ARHGAP35: variants seen among roughly 807,000 people sequenced by gnomAD.
ARHGAP35 encodes the protein rho GTPase-activating protein 35.
ARHGAP35 carries 15 observed loss-of-function variants against 111.1 expected under a neutral mutation model. That is an observed-to-expected ratio of 0.13 (90% CI 0.09 to 0.21). ARHGAP35 has a LOEUF of 0.21. Ranked by LOEUF, ARHGAP35 falls within the 10% of genes least tolerant of loss-of-function variation. The pLI, the probability that ARHGAP35 is intolerant of heterozygous loss-of-function variation, is 1.00. For synonymous variants in ARHGAP35, 643 were observed against 710.3 expected (o/e 0.91, Z 1.51); for missense variants, 1,262 against 1,873.0 (o/e 0.67, Z 6.02).
chr19:46,924,318 G>A (rs559546705), intron 2 of ARHGAP35, among the ~76,000 whole-genome samples: 12 of 152,308 alleles, frequency 7.9e-5, no homozygotes, highest in African/African-American at 2.9e-4. Flanking sequence ...TGGAGGAACA[G>A]GGTGCCATCA....
chr19:46,920,985 T>C lies in ARHGAP35; in HGVS notation c.2310T>C (p.Ser770=). The C allele has an allele frequency of 6.2e-7, 1 of 1,614,022 alleles. No homozygotes were observed. The stretch of plus-strand genomic sequence containing the variant: ...AGCGTAACTTAAACCTGGTCAGTTC[T>C]ACTGCTAGCATCAAAGATTTGGCTG... ...DSKRNLNLVS[S]TASIKDLADV... The change falls in exon 2 of 7, where the codon TCT becomes TCC. Residue 770 remains serine, a synonymous_variant. Coordinates refer to ENST00000672722, the MANE Select transcript of ARHGAP35 (RefSeq NM_004491.5). The surrounding 1 kb of genome is among the most constrained non-coding windows in gnomAD (Gnocchi z 7.0).
At chr19:46,938,662 A>ATT (rs113282154) in intron 3 of ARHGAP35, among the ~76,000 whole-genome samples, 4 of 115,050 alleles carry the variant, frequency 3.5e-5, no homozygotes, top group Non-Finnish European at 3.6e-5. Flanking sequence ...CGAAGATAGC[A>ATT]TTTTTTTTTT....
At chr19:46,951,454 T>G (rs1002820450) in intron 3 of ARHGAP35, among the ~76,000 whole-genome samples, 1 of 152,000 alleles carries the variant, frequency 6.6e-6, no homozygotes, top group Non-Finnish European at 1.5e-5. Context: ...GATGGCCTTT[T>G]TTTTTCTTGC....
At chr19:46,896,077 C>T (rs1049447695) in intron 1 of ARHGAP35, among the ~76,000 whole-genome samples, 2 of 151,568 alleles carry the variant, frequency 1.3e-5, no homozygotes, top group African/African-American at 4.9e-5. Flanking sequence ...ACTCCATCCT[C>T]GGTGACAAGA....
chr19:46,914,138 T>G (rs1187220818), intron 1 of ARHGAP35, among the ~76,000 whole-genome samples: 1 of 152,230 alleles, frequency 6.6e-6, no homozygotes, highest in Non-Finnish European at 1.5e-5. Flanking sequence ...GAGGAACTAG[T>G]AAAACTGCAT....
At chr19:46,984,953 T>C (rs969981013) in intron 3 of ARHGAP35, among the ~76,000 whole-genome samples, 57 of 152,356 alleles carry the variant, frequency 3.7e-4, no homozygotes, top group Admixed American at 3.1e-3. Flanking sequence ...CCAGGTCTTC[T>C]GCAGCTCGGA....
At chr19:46,962,179 A>G (rs1235061762) in intron 3 of ARHGAP35, among the ~76,000 whole-genome samples, 2 of 152,186 alleles carry the variant, frequency 1.3e-5, no homozygotes, top group African/African-American at 4.8e-5. Context: ...CTGAATGTGT[A>G]TTATCTTTCA....
intron 3 of ARHGAP35, among the ~76,000 whole-genome samples, chr19:46,964,665 T>C (rs1391895775): frequency 6.6e-6 from 1 of 152,172 alleles, no homozygotes; most frequent in East Asian, 1.9e-4. Context: ...ACCCTCTGAA[T>C]GTGGGATAAT....
In ARHGAP35 at chr19:46,958,466, C is replaced by G. The variant is rs534534894; in HGVS notation, c.3826+21058C>G. On this transcript the variant is annotated intron_variant, in intron 3 of 6. Transcript: ENST00000672722. ...TTCTCTTTGAAGATTCCTTCCTAGTCTAACAAATTTGTAGAAAACTACTAT... is the reference window on the plus strand; with the variant it reads ...TTCTCTTTGAAGATTCCTTCCTAGTGTAACAAATTTGTAGAAAACTACTAT... Among the ~76,000 whole-genome samples the G allele has an allele frequency of 1.7e-3, 262 of 151,908 alleles. 2 individuals carry two copies. Among genetic ancestry groups the G allele is most frequent in the African/African-American group, 6.1e-3 (251 of 41,424 alleles).
Position 47,000,639 on chromosome 19 carries a change from C to T in ARHGAP35, c.4451C>T (p.Pro1484Leu), listed in dbSNP as rs749428182. 1 of 1,606,616 alleles carries T rather than the reference C, an allele frequency of 6.2e-7. No homozygotes were observed. ...PQSPPPTPQSPMQPLLPSQLQ... is the reference protein window; with the variant it reads ...PQSPPPTPQSLMQPLLPSQLQ... ...TCGCCTCCACCCACCCCCCAGTCCC[C>T]AATGCAGCCACTGCTTCCCTCCCAG... Residue 1484 changes from proline to leucine, a missense_variant, in exon 7 of 7, where the codon CCA becomes CTA. Transcript: ENST00000672722. This position sits in a 1 kb window ranked among gnomAD's most constrained non-coding sequence, Gnocchi z 6.9.
chr19:46,910,793 G>A (rs1387150953), intron 1 of ARHGAP35, among the ~76,000 whole-genome samples: 11 of 151,936 alleles, frequency 7.2e-5, no homozygotes, highest in Admixed American at 7.2e-4. Flanking sequence ...GTTTTACCAT[G>A]TTACCCAGGC....
At chr19:46,950,527 A>G (rs2056405766) in intron 3 of ARHGAP35, among the ~76,000 whole-genome samples, 1 of 152,226 alleles carries the variant, frequency 6.6e-6, no homozygotes, top group Non-Finnish European at 1.5e-5. Flanking sequence ...TCAGTCCCTG[A>G]AGGGGTAATA....
intron 3 of ARHGAP35, among the ~76,000 whole-genome samples, chr19:46,951,977 G>T (rs2056415568): frequency 6.6e-6 from 1 of 152,212 alleles, no homozygotes; most frequent in East Asian, 1.9e-4. Context: ...TAAAAATGCA[G>T]TTAGAAGGAA....
At chr19:46,944,443 T>C (rs946081427) in intron 3 of ARHGAP35, among the ~76,000 whole-genome samples, 1 of 152,218 alleles carries the variant, frequency 6.6e-6, no homozygotes, top group Admixed American at 6.5e-5. Context: ...TTCCTGCTAA[T>C]GCTAGTCCCC....
intron 3 of ARHGAP35, among the ~76,000 whole-genome samples, chr19:46,970,646 T>A (rs2056541574): frequency 1.3e-5 from 2 of 152,144 alleles, no homozygotes; most frequent in African/African-American, 4.8e-5. Flanking sequence ...ACAGCGTTTG[T>A]GGAAACTATA....
chr19:46,971,649 G>A (rs193048609), intron 3 of ARHGAP35, among the ~76,000 whole-genome samples: 138 of 151,160 alleles, frequency 9.1e-4, no homozygotes, highest in Non-Finnish European at 1.6e-3. Context: ...ACAGGCGCAC[G>A]CCACCACACC....
chr19:46,962,884 C>T (rs573176070), intron 3 of ARHGAP35, among the ~76,000 whole-genome samples: 46 of 152,246 alleles, frequency 3.0e-4, no homozygotes, highest in African/African-American at 9.1e-4. Flanking sequence ...GTGCTGGGAT[C>T]GCAGGCATGA....
Position 46,921,371 on chromosome 19 carries a change from A to G in ARHGAP35, c.2696A>G (p.Asp899Gly). The G allele has an allele frequency of 6.2e-7, 1 of 1,613,956 alleles. No individual in the cohort carries two copies. Among genetic ancestry groups the G allele is most frequent in the South Asian group, 1.1e-5 (1 of 91,082 alleles). ...TDGAVDVLDN[D>G]LSREQLTEGE... ...GGCGCTGTAGATGTCCTGGACAATGACTTAAGTAGGGAACAGCTAACTGAG... is the reference window on the plus strand; with the variant it reads ...GGCGCTGTAGATGTCCTGGACAATGGCTTAAGTAGGGAACAGCTAACTGAG... Residue 899 changes from aspartate to glycine, a missense_variant, in exon 2 of 7, where the codon GAC becomes GGC. This residue lies in a region of ARHGAP35 where 579 missense variants were observed against 716.9 expected (regional missense o/e 0.81). Coordinates refer to ENST00000672722, the MANE Select transcript of ARHGAP35 (RefSeq NM_004491.5). This position sits in a 1 kb window ranked among gnomAD's most constrained non-coding sequence, Gnocchi z 4.3.
chr19:46,876,669 C>T (rs947460469), intron 1 of ARHGAP35, among the ~76,000 whole-genome samples: 5 of 150,714 alleles, frequency 3.3e-5, no homozygotes, highest in African/African-American at 1.2e-4. Flanking sequence ...CCATGCCCAG[C>T]CTAAATGTTT....
Sources: gnomAD v4.1 joint callset for allele counts (sites outside exome capture counted in the v4.1 genomes callset) on GRCh38, gnomAD v4.1.1 for gene constraint, gnomAD v4.1.1 regional missense constraint, Gnocchi (gnomAD v3.1) non-coding constraint, MANE v1.5 for transcripts, NCBI Gene and HGNC (gene_info 2026-07-23, HGNC 2026-07-21) for gene names.